CSDE1: variants seen among roughly 807,000 people sequenced by gnomAD.
CSDE1 encodes the protein cold shock domain containing E1, also known as cold shock domain-containing protein E1.
CSDE1 carries 17 observed loss-of-function variants against 89.3 expected under a neutral mutation model. That is an observed-to-expected ratio of 0.19 (90% confidence interval 0.13 to 0.29). The LOEUF (loss-of-function observed/expected upper bound fraction) is 0.29. Among genes scored for constraint, CSDE1 ranks in the 10% least tolerant of loss-of-function variants. The pLI is 1.00. For synonymous variants in CSDE1, 322 were observed against 332.8 expected (o/e 0.97, Z 0.35); for missense variants, 672 against 984.2 (o/e 0.68, Z 4.24).
In CSDE1 at chr1:114,736,805, C is replaced by T. The variant is rs752857836; in HGVS notation, c.453G>A (p.Gln151=). ...YTPEDVEGNV[Q]LETGDKINFV... Reference sequence around the variant, plus strand: ...AGTTTATTTTATCTCCAGTTTCCAGCTGAACGTTCCCTTCGACATCTTCAG... The same window carrying T: ...AGTTTATTTTATCTCCAGTTTCCAGTTGAACGTTCCCTTCGACATCTTCAG... The change falls in exon 6 of 20, where the codon CAG becomes CAA. Residue 151 remains glutamine (Q), a synonymous_variant. Coordinates refer to ENST00000358528, the MANE Select transcript of CSDE1 (RefSeq NM_001007553.3). The T allele has an allele frequency of 6.2e-7, 1 of 1,613,230 alleles. No homozygotes were observed. Among genetic ancestry groups the T allele is most frequent in the Middle Eastern group, 1.7e-4 (1 of 5,802 alleles).
At chr1:114,735,145 G>A (rs539463924) in intron 6 of CSDE1, among the ~76,000 whole-genome samples, 1 of 152,182 alleles carries the variant, frequency 6.6e-6, no homozygotes, top group Non-Finnish European at 1.5e-5. Context: ...AAACAAGTTA[G>A]AGACACCACA....
chr1:114,721,678 T>C (rs751176259), intron 16 of CSDE1, among the ~76,000 whole-genome samples: 1 of 151,578 alleles, frequency 6.6e-6, no homozygotes, highest in Non-Finnish European at 1.5e-5. Flanking sequence ...CAGCCTTGAT[T>C]TCCTGGGCTC....
intron 1 of CSDE1, among the ~76,000 whole-genome samples, chr1:114,751,463 T>C (rs1157126854): frequency 6.6e-6 from 1 of 150,898 alleles, no homozygotes; most frequent in Non-Finnish European, 1.5e-5. Flanking sequence ...TACTAGTAAA[T>C]ACCATGAACA....
chr1:114,729,392 C>G (rs1468480355), intron 12 of CSDE1, among the ~76,000 whole-genome samples: 1 of 151,872 alleles, frequency 6.6e-6, no homozygotes, highest in Non-Finnish European at 1.5e-5. Context: ...AGCCACCGCA[C>G]CTGACAATAA....
At chr1:114,738,139 T>G in intron 3 of CSDE1, 67 bp from the exon 4 acceptor site, 1 of 1,191,548 alleles carries the variant, frequency 8.4e-7, no homozygotes, top group South Asian at 1.2e-5. Context: ...GCTTCCAAGC[T>G]ATACTTAACA....
chr1:114,737,863 T>C (rs546839587), intron 4 of CSDE1, 100 bp downstream of exon 4: 2 of 837,342 alleles, frequency 2.4e-6, no homozygotes, highest in Admixed American at 3.9e-5. Flanking sequence ...ATAGCTCTCT[T>C]TCGTGCAAAC....
chr1:114,752,547 C>T (rs1661363300), intron 1 of CSDE1, among the ~76,000 whole-genome samples: 1 of 152,164 alleles, frequency 6.6e-6, no homozygotes, highest in Admixed American at 6.5e-5. Flanking sequence ...TCTATTCTAC[C>T]TTCCATCCTT....
chr1:114,740,972 T>C (rs1482066261), intron 2 of CSDE1, among the ~76,000 whole-genome samples: 2 of 152,126 alleles, frequency 1.3e-5, no homozygotes, highest in African/African-American at 4.8e-5. Flanking sequence ...TAAACCAAAG[T>C]TTGAGTCAAC....
At chr1:114,743,202 A>G (rs1351093811) in intron 2 of CSDE1, among the ~76,000 whole-genome samples, 1 of 151,830 alleles carries the variant, frequency 6.6e-6, no homozygotes, top group African/African-American at 2.4e-5. Flanking sequence ...GGCTGAATTA[A>G]TTTATTTTTG....
chr1:114,721,027 T>C (rs1659490891), intron 16 of CSDE1, among the ~76,000 whole-genome samples: 1 of 152,204 alleles, frequency 6.6e-6, no homozygotes, highest in Non-Finnish European at 1.5e-5. Context: ...TTAAGCACTA[T>C]GGGTTGCCAA....
intron 17 of CSDE1, 90 bp from the exon 18 acceptor site, chr1:114,719,832 T>G (rs1659412178): frequency 7.9e-7 from 1 of 1,272,458 alleles, no homozygotes; most frequent in Admixed American, 2.2e-5. Context: ...AAAGGATGTA[T>G]AAAACATGGT....
In CSDE1 at chr1:114,717,677, AAT is replaced by A. The variant is rs1219063467; in HGVS notation, c.*490_*491del. The A allele has an allele frequency of 6.5e-6, 1 of 153,130 alleles. No individual in the cohort carries two copies. The highest frequency in any genetic ancestry group is 1.5e-5 in the Non-Finnish European group (1 of 68,400). The allele number at this position is 153,130 out of a possible 1,614,324, so 9.5% of individuals were successfully genotyped here. ...CAAATTTTTGTAATTTTTAAAAGATAATATATTCTACCCTCATATGGTCCTCA... is the reference window on the plus strand; with the variant it reads ...CAAATTTTTGTAATTTTTAAAAGATAATATTCTACCCTCATATGGTCCTCA... On this transcript the variant is annotated 3_prime_UTR_variant, in exon 20 of 20. Coordinates refer to ENST00000358528, the MANE Select transcript of CSDE1 (RefSeq NM_001007553.3).
At chr1:114,756,648 A>C (rs1183411131) in intron 1 of CSDE1, 1 of 152,240 alleles carries the variant, frequency 6.6e-6, no homozygotes, top group African/African-American at 2.4e-5. Context: ...TGAAAATTTA[A>C]GCCTCTCAAA....
At chr1:114,746,543 C>CTTG (rs1661020743) in intron 2 of CSDE1, 1 of 152,086 alleles carries the variant, frequency 6.6e-6, no homozygotes, top group Non-Finnish European at 1.5e-5. Flanking sequence ...ATTCTCCTAC[C>CTTG]TTAACACCTG....
At chr1:114,732,508 T>C in intron 10 of CSDE1, 96 bp downstream of exon 10, 1 of 1,178,418 alleles carries the variant, frequency 8.5e-7, no homozygotes, top group Non-Finnish European at 1.2e-6. Flanking sequence ...ATTAGGGTCA[T>C]TTAACTTAAG....
chr1:114,749,960 AACTGCTGCTGT>A lies in CSDE1; in HGVS notation c.-151_-141del, dbSNP rs1661220321. On this transcript the variant is annotated 5_prime_UTR_variant, in exon 2 of 20. Coordinates refer to ENST00000358528, the MANE Select transcript of CSDE1 (RefSeq NM_001007553.3). ...GATCTACCAAGCTAATAAAGAATAC[AACTGCTGCTGT>A]ACCGGGCAATCTCACAGTACAGCAC... 6.6e-6 allele frequency: 1 copy of A among 152,656 alleles called. No homozygotes were observed. Among genetic ancestry groups the A allele is most frequent in the Non-Finnish European group, 1.5e-5 (1 of 68,042 alleles). The allele number at this position is 152,656 out of a possible 1,614,324, so 9.5% of individuals were successfully genotyped here.
chr1:114,720,482 T>C, intron 17 of CSDE1, 57 bp downstream of exon 17: 1 of 1,425,948 alleles, frequency 7.0e-7, no homozygotes, highest in Non-Finnish European at 9.4e-7. Flanking sequence ...TATTTGAAGG[T>C]TTTGGTTACC....
chr1:114,748,202 G>A (rs973032556), intron 2 of CSDE1: 2 of 152,150 alleles, frequency 1.3e-5, no homozygotes, highest in Non-Finnish European at 2.9e-5. Context: ...TAGCAGTGAA[G>A]CTTTTGTAAC....
chr1:114,733,581 C>A, intron 9 of CSDE1, 151 bp downstream of exon 9: 1 of 450,456 alleles, frequency 2.2e-6, no homozygotes, highest in Non-Finnish European at 3.7e-6. Context: ...AATCTGGTTT[C>A]TCTTTTAGTT....
Sources: gnomAD v4.1 joint callset for allele counts (sites outside exome capture counted in the v4.1 genomes callset) on GRCh38, gnomAD v4.1.1 for gene constraint, MANE v1.5 for transcripts, NCBI Gene and HGNC (gene_info 2026-07-23, HGNC 2026-07-21) for gene names.